The following KCTD8 variants were observed in gnomAD, a reference collection of about 807,000 sequenced individuals.
KCTD8 encodes potassium channel tetramerization domain containing 8.
KCTD8 carries 27 observed loss-of-function variants against 31.5 expected under a neutral mutation model. The observed-to-expected ratio is 0.86, with a 90% CI of 0.63 to 1.18. KCTD8 has a LOEUF of 1.18. Ranked by LOEUF, KCTD8 falls within the 50% of genes most tolerant of loss-of-function variation. KCTD8 has a pLI of 0.00. For synonymous variants in KCTD8, 290 were observed against 280.0 expected, an observed-to-expected ratio of 1.04 and a Z score of -0.36; for missense variants, 658 against 647.7, an observed-to-expected ratio of 1.02 and a Z score of -0.17.
intron 1 of KCTD8, among the ~76,000 whole-genome samples, chr4:44,343,941 C>A (rs1370966362): frequency 1.3e-5 from 2 of 152,052 alleles, no homozygotes; most frequent in Non-Finnish European, 2.9e-5. Flanking sequence ...TCACTGAAAC[C>A]TCTGCCTCCC....
At chr4:44,263,978 C>G (rs528484302) in intron 1 of KCTD8, among the ~76,000 whole-genome samples, 6 of 152,180 alleles carry the variant, frequency 3.9e-5, no homozygotes, top group Non-Finnish European at 7.4e-5. Context: ...GATATGTGGT[C>G]ACATTTGACT....
chr4:44,380,432 A>T (rs1051083111), intron 1 of KCTD8, among the ~76,000 whole-genome samples: 1 of 151,608 alleles, frequency 6.6e-6, no homozygotes, highest in African/African-American at 2.4e-5. Context: ...AAAAAAAAAA[A>T]TCAGTATTGG....
At chr4:44,193,873 C>T (rs775971743) in intron 1 of KCTD8, among the ~76,000 whole-genome samples, 57 of 151,882 alleles carry the variant, frequency 3.8e-4, no homozygotes, top group Non-Finnish European at 8.1e-4. Flanking sequence ...ATATTAATTA[C>T]AAGAAACATT....
At chr4:44,323,976 T>C (rs1718375149) in intron 1 of KCTD8, among the ~76,000 whole-genome samples, 1 of 150,420 alleles carries the variant, frequency 6.6e-6, no homozygotes, top group South Asian at 2.1e-4. Context: ...CGCACCAGCA[T>C]GGCACATGTA....
intron 1 of KCTD8, among the ~76,000 whole-genome samples, chr4:44,187,992 T>C (rs200144950): frequency 7.3e-4 from 104 of 141,672 alleles, no homozygotes; most frequent in Non-Finnish European, 7.2e-4. Flanking sequence ...CACACACACA[T>C]ATATATATAC....
chr4:44,259,240 A>G (rs974491454), intron 1 of KCTD8, among the ~76,000 whole-genome samples: 1 of 151,246 alleles, frequency 6.6e-6, no homozygotes, highest in African/African-American at 2.4e-5. Flanking sequence ...GCAATACATG[A>G]TCTTCCACAT....
At position 44,270,832 on chromosome 4, in the gene KCTD8, T is replaced by G. The variant is rs112480386; in HGVS notation, c.962-95582A>C. On this transcript the variant is annotated intron_variant, in intron 1 of 1. Transcript: ENST00000360029. ...ATGATTACAATTTTCTCTTTAGTCT[T>G]GTACTACATTTAAATAGGGAGAAGA... is the stretch of plus-strand genomic sequence containing the variant. 8.9e-3 allele frequency among the ~76,000 whole-genome samples: 1,356 copies of G among 152,264 alleles called. 25 individuals carry two copies. Among genetic ancestry groups the G allele is most frequent in the African/African-American group, 0.031 (1,289 of 41,556 alleles).
chr4:44,261,614 C>T (rs189422877), intron 1 of KCTD8, among the ~76,000 whole-genome samples: 124 of 151,998 alleles, frequency 8.2e-4, no homozygotes, highest in African/African-American at 2.9e-3. Flanking sequence ...CAACCCCTGG[C>T]AAACACTGTT....
Position 44,448,424 on chromosome 4 carries a change from GGGC to G in KCTD8, c.97_99del (p.Ala33del). ...AAGGGCGAGGGTGCGCAGGGCCCCG[GGGC>G]GGCGGCGGCCGACGCGCCGGGCGAG... On this transcript the variant is annotated inframe_deletion, in exon 1 of 2. Transcript: ENST00000360029. The surrounding 1 kb of genome is among the most constrained non-coding windows in gnomAD (Gnocchi z 4.1). 3.2e-6 allele frequency: 5 copies of G among 1,557,812 alleles called. No individual in the cohort carries two copies. The highest frequency in any genetic ancestry group is 2.1e-5 in the Admixed American group (1 of 47,876).
chr4:44,238,562 G>A (rs762206321), intron 1 of KCTD8, among the ~76,000 whole-genome samples: 107 of 151,998 alleles, frequency 7.0e-4, no homozygotes, highest in Non-Finnish European at 1.2e-4. Flanking sequence ...AAGTGTTAAC[G>A]TACCACATAT....
chr4:44,363,854 AT>A (rs1370422940), intron 1 of KCTD8, among the ~76,000 whole-genome samples: 2 of 152,104 alleles, frequency 1.3e-5, no homozygotes, highest in African/African-American at 2.4e-5. Context: ...ACAAAAAACC[AT>A]TTGCGGTGCT....
intron 1 of KCTD8, among the ~76,000 whole-genome samples, chr4:44,238,866 G>A (rs190515079): frequency 9.9e-5 from 15 of 152,148 alleles, no homozygotes; most frequent in African/African-American, 3.4e-4. Context: ...GATCTAATAA[G>A]TTTTCTAAAT....
intron 1 of KCTD8, among the ~76,000 whole-genome samples, chr4:44,199,686 T>C (rs1418814253): frequency 6.6e-6 from 1 of 152,024 alleles, no homozygotes; most frequent in Non-Finnish European, 1.5e-5. Context: ...ATTAAATGCC[T>C]TCATCAAGTA....
intron 1 of KCTD8, among the ~76,000 whole-genome samples, chr4:44,408,144 A>G (rs1451653587): frequency 6.6e-6 from 1 of 152,200 alleles, no homozygotes; most frequent in Non-Finnish European, 1.5e-5. Flanking sequence ...AAATCCTTGA[A>G]CCTTGGCTTC....
At chr4:44,326,959 TG>T (rs1287055629) in intron 1 of KCTD8, among the ~76,000 whole-genome samples, 1 of 151,866 alleles carries the variant, frequency 6.6e-6, no homozygotes, top group Non-Finnish European at 1.5e-5. Context: ...CAGCTGTTTT[TG>T]ACATGCTCCA....
rs902978871 is a variant in KCTD8 at position 44,244,851 on chromosome 4, G to C, written c.962-69601C>G. Among the ~76,000 whole-genome samples the C allele has an allele frequency of 2.2e-3, 318 of 144,342 alleles. 1 individual carries two copies. Among genetic ancestry groups the C allele is most frequent in the East Asian group, 3.9e-3 (19 of 4,930 alleles). The allele number at this position is 144,342 out of a possible 152,430, so 94.7% of individuals were successfully genotyped here. On this transcript the variant is annotated intron_variant, in intron 1 of 1. Transcript: ENST00000360029. ...CAGTAATTTTCCCTGTAGTTGTGGG[G>C]GGGGGGGGGTCTTCATTTTGAAGGC... is the stretch of plus-strand genomic sequence containing the variant.
At chr4:44,191,113 T>C (rs1713752742) in intron 1 of KCTD8, among the ~76,000 whole-genome samples, 1 of 152,204 alleles carries the variant, frequency 6.6e-6, no homozygotes, top group South Asian at 2.1e-4. Context: ...CTAAAATTAA[T>C]ACTTTTGTAA....
intron 1 of KCTD8, among the ~76,000 whole-genome samples, chr4:44,277,953 T>C (rs1219384993): frequency 3.9e-5 from 6 of 151,988 alleles, no homozygotes; most frequent in Non-Finnish European, 8.8e-5. Flanking sequence ...AATAAGTTTA[T>C]GCAGAAAGTT....
chr4:44,432,004 G>A lies in KCTD8; in HGVS notation c.961+15559C>T, dbSNP rs1721517447. Among the ~76,000 whole-genome samples, 5 of 151,398 alleles carry A rather than the reference G, an allele frequency of 3.3e-5. No homozygotes were observed. The South Asian group carries it at 1.0e-3, about 31-fold the overall frequency. On this transcript the variant is annotated intron_variant, in intron 1 of 1. Coordinates refer to ENST00000360029, the MANE Select transcript of KCTD8 (RefSeq NM_198353.3). Reference sequence around the variant, plus strand: ...TTTTCACAAAGCTCTGCTTTTACGTGTTCTTCTCAAATTCCTTTCCCCCTA... The same window carrying A: ...TTTTCACAAAGCTCTGCTTTTACGTATTCTTCTCAAATTCCTTTCCCCCTA...
Sources: gnomAD v4.1 joint callset for allele counts (sites outside exome capture counted in the v4.1 genomes callset) on GRCh38, gnomAD v4.1.1 for gene constraint, Gnocchi (gnomAD v3.1) non-coding constraint, MANE v1.5 for transcripts, NCBI Gene and HGNC (gene_info 2026-07-23, HGNC 2026-07-21) for gene names.